The following SMURF2 variants were observed in gnomAD, a reference collection of about 807,000 sequenced individuals.
SMURF2 encodes E3 ubiquitin-protein ligase SMURF2.
Under a neutral mutation model 109.6 loss-of-function variants are expected in SMURF2, and 48 were observed. The ratio of observed to expected loss-of-function variants is 0.44; its 90% CI spans 0.35 to 0.56. SMURF2 has a LOEUF of 0.56. SMURF2 is among the 20% of genes least tolerant of loss of function. SMURF2 has a pLI of 0.01. For synonymous variants in SMURF2, 288 were observed against 317.1 expected, an observed-to-expected ratio of 0.91 and a Z score of 0.97; for missense variants, 575 against 909.0, an observed-to-expected ratio of 0.63 and a Z score of 4.72.
chr17:64,598,505 T>G lies in SMURF2; in HGVS notation c.92-15A>C, dbSNP rs374021620. 9 of 1,576,380 alleles carry G rather than the reference T, an allele frequency of 5.7e-6. No homozygotes were observed. The African/African-American group carries it at 1.2e-4, about 21-fold the overall frequency. On this transcript the variant is annotated splice_polypyrimidine_tract_variant and intron_variant, in intron 2 of 18. Coordinates refer to ENST00000262435, the MANE Select transcript of SMURF2 (RefSeq NM_022739.4). ...ATCAGGAAGTCCTGTGAAAAAAGAT[T>G]TTCTAAAATTAATAATTTGACATTT... is the stretch of plus-strand genomic sequence containing the variant.
chr17:64,615,059 G>A (rs116879884), intron 1 of SMURF2, among the ~76,000 whole-genome samples: 90 of 152,250 alleles, frequency 5.9e-4, no homozygotes, highest in South Asian at 1.5e-3. Context: ...CAACAAACCA[G>A]GTAATAGTAT....
At chr17:64,633,341 C>T (rs1555691806) in intron 1 of SMURF2, among the ~76,000 whole-genome samples, 1 of 152,170 alleles carries the variant, frequency 6.6e-6, no homozygotes, top group East Asian at 1.9e-4. Flanking sequence ...GGGAGTCAAT[C>T]AGGGTCCCTC....
intron 16 of SMURF2, among the ~76,000 whole-genome samples, chr17:64,550,837 G>A (rs1411475292): frequency 6.6e-6 from 1 of 150,502 alleles, no homozygotes; most frequent in Non-Finnish European, 1.5e-5. Flanking sequence ...CGATGATCTT[G>A]TCTATCAAAT....
intron 16 of SMURF2, among the ~76,000 whole-genome samples, chr17:64,549,595 A>C (rs1469625390): frequency 6.8e-6 from 1 of 146,262 alleles, no homozygotes; most frequent in Non-Finnish European, 1.5e-5. Context: ...ATCTCTACTA[A>C]AAATACAAAA....
At chr17:64,619,403 G>A (rs532703065) in intron 1 of SMURF2, among the ~76,000 whole-genome samples, 58 of 149,500 alleles carry the variant, frequency 3.9e-4, no homozygotes, top group Admixed American at 2.5e-3. Flanking sequence ...GCCTGAACCC[G>A]GGAGGCAGAG....
At chr17:64,648,154 T>TA (rs1172760409) in intron 1 of SMURF2, among the ~76,000 whole-genome samples, 14 of 135,164 alleles carry the variant, frequency 1.0e-4, no homozygotes, top group Admixed American at 3.0e-4. Context: ...CATAGAACTC[T>TA]AAAAAAAAAT....
chr17:64,628,295 C>CA (rs1262294362), intron 1 of SMURF2, among the ~76,000 whole-genome samples: 1 of 152,156 alleles, frequency 6.6e-6, no homozygotes, highest in Non-Finnish European at 1.5e-5. Context: ...TCAGAAAACT[C>CA]AAACGTTTGG....
At chr17:64,644,945 T>A (rs1598313411) in intron 1 of SMURF2, among the ~76,000 whole-genome samples, 1 of 150,458 alleles carries the variant, frequency 6.6e-6, no homozygotes, top group Non-Finnish European at 1.5e-5. Flanking sequence ...AAGGCAGAGG[T>A]TGCAGTGAGC....
rs1157721982 is a variant in SMURF2 at position 64,577,941 on chromosome 17, C to CTTT, written c.857+548_857+550dup. ...CTAAAAGATCCATGTTTTCATTCCA[C>CTTT]TTTTTTTTTTTTTTTTTTTTTTGAG... On this transcript the variant is annotated intron_variant, in intron 9 of 18. Transcript: ENST00000262435. Among the ~76,000 whole-genome samples, 739 of 121,186 alleles carry CTTT rather than the reference C, an allele frequency of 6.1e-3. 14 individuals are homozygous for CTTT. The highest frequency in any genetic ancestry group is 0.021 in the African/African-American group (676 of 32,020). 79.5% of individuals were successfully genotyped at this position (121,186 alleles called of 152,430 possible).
At chr17:64,618,072 G>C (rs1299557679) in intron 1 of SMURF2, among the ~76,000 whole-genome samples, 2 of 152,028 alleles carry the variant, frequency 1.3e-5, no homozygotes, top group African/African-American at 2.4e-5. Context: ...GTGATCAGAG[G>C]TAATTTTAAA....
intron 10 of SMURF2, among the ~76,000 whole-genome samples, chr17:64,566,575 T>TTTTTTG (rs1969311675): frequency 9.7e-6 from 1 of 103,264 alleles, no homozygotes; most frequent in African/African-American, 3.5e-5. Context: ...TTTTTTTTTT[T>TTTTTTG]TTTTTTTTTT....
chr17:64,605,762 T>C (rs1294329937), intron 2 of SMURF2, among the ~76,000 whole-genome samples: 1 of 141,940 alleles, frequency 7.0e-6, no homozygotes, highest in African/African-American at 2.6e-5. Context: ...TATATATATA[T>C]ATATATATAT....
intron 1 of SMURF2, among the ~76,000 whole-genome samples, chr17:64,637,624 T>C (rs1970434422): frequency 1.3e-5 from 2 of 151,268 alleles, no homozygotes; most frequent in East Asian, 2.0e-4. Flanking sequence ...AGTGTAATAG[T>C]GCGATCTTGG....
At position 64,551,581 on chromosome 17, in the gene SMURF2, A is replaced by G. The variant is rs199837321; in HGVS notation, c.1869+3T>C. The G allele has an allele frequency of 9.2e-5, 148 of 1,613,720 alleles. No individual in the cohort carries two copies. The highest frequency in any genetic ancestry group is 1.1e-5 in the Non-Finnish European group (13 of 1,179,780). ...AGTGATGTTATAATACTAATGCACTAACCTCTAACTCCTTCTCATCAAATG... is the reference window on the plus strand; with the variant it reads ...AGTGATGTTATAATACTAATGCACTGACCTCTAACTCCTTCTCATCAAATG... On this transcript the variant is annotated splice_donor_region_variant and intron_variant, in intron 16 of 18. Transcript: ENST00000262435.
chr17:64,562,598 C>T (rs182428621), intron 11 of SMURF2, among the ~76,000 whole-genome samples, 173 bp downstream of exon 11: 197 of 152,052 alleles, frequency 1.3e-3, no homozygotes, highest in African/African-American at 4.5e-3. Context: ...AGCCTGGCCT[C>T]GAGCTGCGAC....
chr17:64,656,696 C>A (rs1399118150), intron 1 of SMURF2, among the ~76,000 whole-genome samples: 1 of 151,886 alleles, frequency 6.6e-6, no homozygotes, highest in African/African-American at 2.4e-5. Flanking sequence ...GTTACCTACA[C>A]CAAGATGTTT....
chr17:64,575,286 T>C (rs1200852282), intron 9 of SMURF2, among the ~76,000 whole-genome samples: 3 of 151,924 alleles, frequency 2.0e-5, no homozygotes, highest in Non-Finnish European at 2.9e-5. Context: ...CCTGAGTAGC[T>C]GGGATTACAG....
chr17:64,636,653 C>G (rs1260630147), intron 1 of SMURF2, among the ~76,000 whole-genome samples: 1 of 148,822 alleles, frequency 6.7e-6, no homozygotes, highest in Non-Finnish European at 1.5e-5. Flanking sequence ...GTGGTGTGCA[C>G]CTGTAGTCCC....
rs1168320818 is a variant in SMURF2, at chr17:64,549,207, A to T, written c.1870-1406T>A. ...AGAATCGCTTGAACCCAGGAAGTAG[A>T]GGTTGTAGGGAGCTGAGATCCCATC... On this transcript the variant is annotated intron_variant, in intron 16 of 18. Coordinates refer to ENST00000262435, the MANE Select transcript of SMURF2 (RefSeq NM_022739.4). Among the ~76,000 whole-genome samples, 8 of 126,556 alleles carry T rather than the reference A, an allele frequency of 6.3e-5. No individual in the cohort carries two copies. In the East Asian group the frequency reaches 2.2e-3, roughly 34 times the overall value. The allele number at this position is 126,556 out of a possible 152,430, so 83.0% of individuals were successfully genotyped here.
Sources: allele counts gnomAD v4.1 joint callset (sites outside exome capture counted in the v4.1 genomes callset), GRCh38; gene constraint gnomAD v4.1.1; transcripts MANE v1.5; gene names NCBI Gene and HGNC (gene_info 2026-07-23, HGNC 2026-07-21).